Variants in FRK observed in about 807,000 individuals in gnomAD.
FRK encodes tyrosine-protein kinase FRK.
In FRK, 51 loss-of-function variants were observed where a neutral mutation model predicts 56.4. The observed-to-expected ratio is 0.90, with a 90% CI of 0.72 to 1.14. FRK has a LOEUF of 1.14. Among genes scored for constraint, FRK ranks in the 50% most tolerant of loss-of-function variants. The pLI is 0.00. For synonymous variants in FRK, 245 were observed against 217.9 expected, an observed-to-expected ratio of 1.12 and a Z score of -1.10; for missense variants, 570 against 601.4, an observed-to-expected ratio of 0.95 and a Z score of 0.55.
Position 115,977,604 on chromosome 6 carries a change from A to G in FRK, c.467-8865T>C, listed in dbSNP as rs559864192. On this transcript the variant is annotated intron_variant, in intron 2 of 7. Transcript: ENST00000606080. ...ATACATCTAATAGGTGCCAGGTCCT[A>G]GGGTCTATCAGGGTTGTTACTGGTC... is the stretch of plus-strand genomic sequence containing the variant. 2.6e-5 allele frequency among the ~76,000 whole-genome samples: 4 copies of G among 152,314 alleles called. No individual in the cohort carries two copies. The East Asian group carries it at 7.7e-4, about 29-fold the overall frequency.
intron 1 of FRK, among the ~76,000 whole-genome samples, chr6:116,044,997 A>G (rs1776882309): frequency 6.6e-6 from 1 of 152,214 alleles, no homozygotes. Context: ...TACAAAGAGA[A>G]TAAAATACCT....
At position 115,982,091 on chromosome 6, in the gene FRK, A is replaced by G. The variant is rs143354187; in HGVS notation, c.467-13352T>C. Among the ~76,000 whole-genome samples the G allele has an allele frequency of 2.9e-3, 440 of 152,254 alleles. 3 individuals carry two copies. Among genetic ancestry groups the G allele is most frequent in the African/African-American group, 9.7e-3 (403 of 41,542 alleles). ...AAGAGATTAGCATTTGAATTAGTAA[A>G]GAAGATCTTCCCTCATCAATGTGGG... On this transcript the variant is annotated intron_variant, in intron 2 of 7. Transcript: ENST00000606080.
chr6:116,086,492 T>G, the FRK span, among the ~76,000 whole-genome samples: 11 of 152,318 alleles, frequency 7.2e-5, no homozygotes, highest in African/African-American at 2.6e-4. Flanking sequence ...ATTATTTATA[T>G]AGTCTGCCCA....
At position 116,022,849 on chromosome 6, in the gene FRK, G is replaced by A. The variant is rs184151184; in HGVS notation, c.345-18851C>T. ...TTTTCAAAGAATGTGACAGAATCTA[G>A]AGTAGCTACAACAATGTCCTATATC... On this transcript the variant is annotated intron_variant, in intron 1 of 7. Coordinates refer to ENST00000606080, the MANE Select transcript of FRK (RefSeq NM_002031.3). Among the ~76,000 whole-genome samples, 31 of 152,264 alleles carry A rather than the reference G, an allele frequency of 2.0e-4. 1 individual carries two copies. In the East Asian group the frequency reaches 5.6e-3, roughly 27 times the overall value.
chr6:116,057,264 T>C (rs972043273), intron 1 of FRK, among the ~76,000 whole-genome samples: 2 of 152,214 alleles, frequency 1.3e-5, no homozygotes, highest in African/African-American at 4.8e-5. Context: ...AAAAATTACG[T>C]TAATTTTCAC....
chr6:116,043,382 A>G (rs913681196), intron 1 of FRK, among the ~76,000 whole-genome samples: 2 of 152,230 alleles, frequency 1.3e-5, no homozygotes, highest in Non-Finnish European at 2.9e-5. Flanking sequence ...ATCATAACAA[A>G]CAGTCTATCA....
intron 5 of FRK, among the ~76,000 whole-genome samples, chr6:115,945,841 T>G (rs1324685112): frequency 1.3e-5 from 2 of 152,152 alleles, no homozygotes; most frequent in Non-Finnish European, 2.9e-5. Context: ...TTTCTCCCAC[T>G]ACTAATTCTT....
intron 1 of FRK, among the ~76,000 whole-genome samples, chr6:116,020,431 A>G (rs1466683161): frequency 1.3e-5 from 2 of 152,084 alleles, no homozygotes; most frequent in Admixed American, 6.6e-5. Context: ...AGCTAGGATT[A>G]CAGGCACACG....
At chr6:116,002,021 T>C (rs1019184802) in intron 2 of FRK, among the ~76,000 whole-genome samples, 1 of 152,218 alleles carries the variant, frequency 6.6e-6, no homozygotes, top group Admixed American at 6.5e-5. Flanking sequence ...AATATACTTA[T>C]AGGTCAAGAA....
chr6:116,028,769 A>G (rs777328943), intron 1 of FRK, among the ~76,000 whole-genome samples: 4 of 152,094 alleles, frequency 2.6e-5, no homozygotes, highest in Non-Finnish European at 5.9e-5. Context: ...CAATGTCTCT[A>G]TTCCAAATCA....
intron 2 of FRK, among the ~76,000 whole-genome samples, chr6:115,991,456 G>C (rs1315240200): frequency 6.6e-6 from 1 of 151,518 alleles, no homozygotes; most frequent in Non-Finnish European, 1.5e-5. Context: ...TTGATGCATA[G>C]TTTGTTCAGT....
At chr6:116,086,131 G>A in the FRK span, among the ~76,000 whole-genome samples, 7,774 of 151,662 alleles carry the variant, frequency 0.051, 245 homozygotes, top group South Asian at 0.083. Context: ...TCAGCCTCCC[G>A]AGTAGCTTGG....
At chr6:115,970,235 A>AGAGTAAT (rs1263577124) in intron 2 of FRK, among the ~76,000 whole-genome samples, 1 of 152,194 alleles carries the variant, frequency 6.6e-6, no homozygotes. Flanking sequence ...AGTTGATGGA[A>AGAGTAAT]GAGTAATTTT....
chr6:116,078,938 C>T, the FRK span, among the ~76,000 whole-genome samples: 1 of 152,146 alleles, frequency 6.6e-6, no homozygotes, highest in African/African-American at 2.4e-5. Context: ...TAAGATTCAT[C>T]TAGTTTGTAA....
intron 1 of FRK, among the ~76,000 whole-genome samples, chr6:116,032,046 A>G (rs922922943): frequency 3.3e-5 from 5 of 152,086 alleles, no homozygotes; most frequent in African/African-American, 9.7e-5. Flanking sequence ...AATTTCCAAC[A>G]TAAGGTTCCT....
intron 4 of FRK, among the ~76,000 whole-genome samples, chr6:115,967,041 T>C (rs988245435): frequency 6.6e-6 from 1 of 152,184 alleles, no homozygotes; most frequent in Non-Finnish European, 1.5e-5. Flanking sequence ...TAAATACTGA[T>C]TTCAGTATAA....
chr6:116,085,723 T>C, the FRK span, among the ~76,000 whole-genome samples: 1 of 152,070 alleles, frequency 6.6e-6, no homozygotes, highest in African/African-American at 2.4e-5. Flanking sequence ...GGTGTGTGTG[T>C]GTGTGTGTGC....
At chr6:116,018,103 C>T (rs989337011) in intron 1 of FRK, among the ~76,000 whole-genome samples, 7 of 152,110 alleles carry the variant, frequency 4.6e-5, no homozygotes, top group Admixed American at 2.0e-4. Context: ...TCTAGGGCCC[C>T]CTAATAGGTT....
At chr6:116,043,086 G>C (rs1470888966) in intron 1 of FRK, among the ~76,000 whole-genome samples, 1 of 152,156 alleles carries the variant, frequency 6.6e-6, no homozygotes, top group Non-Finnish European at 1.5e-5. Context: ...GATTCATAAA[G>C]CAAGTTCTTA....
Sources: allele counts gnomAD v4.1 joint callset (sites outside exome capture counted in the v4.1 genomes callset), GRCh38; gene constraint gnomAD v4.1.1; transcripts MANE v1.5; gene names NCBI Gene and HGNC (gene_info 2026-07-23, HGNC 2026-07-21).